SMS: variants seen among roughly 807,000 people sequenced by gnomAD.
SMS encodes spermine synthase.
SMS carries 3 observed loss-of-function variants against 33.0 expected under a neutral mutation model. The ratio of observed to expected loss-of-function variants is 0.09; its 90% CI spans 0.04 to 0.23. SMS has a LOEUF of 0.23. SMS is among the 10% of genes least tolerant of loss of function. The pLI, the probability that SMS is intolerant of heterozygous loss-of-function variation, is 1.00. For missense variants in SMS, 117 were observed against 288.6 expected (o/e 0.41, Z 4.31); for synonymous variants, 103 against 112.2 (o/e 0.92, Z 0.52).
At chrX:21,949,476 T>C (rs909106226) in intron 1 of SMS, among the ~76,000 whole-genome samples, 1 of 112,181 alleles carries the variant, frequency 8.9e-6, no homozygotes, top group Non-Finnish European at 1.9e-5. Context: ...CAGAAAATAA[T>C]GGGTTGCCCT....
At chrX:21,964,527 G>A (rs763570746) in intron 1 of SMS, among the ~76,000 whole-genome samples, 1 of 111,328 alleles carries the variant, frequency 9.0e-6, no homozygotes, top group South Asian at 3.8e-4. Flanking sequence ...TTTGGAAGGG[G>A]TTGCTCTAGT....
intron 9 of SMS, among the ~76,000 whole-genome samples, chrX:21,987,693 A>C (rs189842492): frequency 8.9e-6 from 1 of 112,755 alleles, no homozygotes; most frequent in East Asian, 2.8e-4. Context: ...AATCAAGGAA[A>C]AATGTGAGGC....
In SMS at chrX:21,940,792, TC is replaced by T. The variant is rs1244332285; in HGVS notation, c.-28del. The T allele has an allele frequency of 9.2e-7, 1 of 1,088,890 alleles. No homozygotes were observed. Among genetic ancestry groups the T allele is most frequent in the Non-Finnish European group, 1.2e-6 (1 of 829,111 alleles). 89.7% of individuals were successfully genotyped at this position (1,088,890 alleles called of 1,213,427 possible). On this transcript the variant is annotated 5_prime_UTR_variant, in exon 1 of 11. Coordinates refer to ENST00000404933, the MANE Select transcript of SMS (RefSeq NM_004595.5). The stretch of plus-strand genomic sequence containing the variant: ...CGGCCCCCCAGTCTCCCGCGGCTGC[TC>T]CCCCAGGCATGGCACAGGGCCTCGC...
At chrX:21,948,681 A>G (rs1034601720) in intron 1 of SMS, among the ~76,000 whole-genome samples, 10 of 111,386 alleles carry the variant, frequency 9.0e-5, no homozygotes, top group African/African-American at 2.9e-4. Context: ...GGGCTTTATA[A>G]TTGCGATCAC....
At chrX:21,967,168 A>G (rs781088482) in intron 1 of SMS, 28 bp from the exon 2 acceptor site, 4 of 1,203,771 alleles carry the variant, frequency 3.3e-6, no homozygotes, top group East Asian at 6.0e-5. Context: ...CTTTCTGACC[A>G]TCTTGCCTTC....
At chrX:21,966,200 CTT>C (rs750671836) in intron 1 of SMS, among the ~76,000 whole-genome samples, 2 of 112,256 alleles carry the variant, frequency 1.8e-5, no homozygotes, top group Non-Finnish European at 3.8e-5. Flanking sequence ...AGCTGTGACT[CTT>C]TGTTTTTTTC....
intron 1 of SMS, chrX:21,959,966 G>GC (rs1465403173): frequency 1.3e-6 from 1 of 748,562 alleles, no homozygotes; most frequent in African/African-American, 2.3e-5. Context: ...CCAAAGGTGG[G>GC]CCCTTGGACT....
chrX:21,969,469 C>A (rs915626402), intron 2 of SMS, among the ~76,000 whole-genome samples: 12 of 111,994 alleles, frequency 1.1e-4, no homozygotes, highest in Non-Finnish European at 2.3e-4. Context: ...CAGGATTACA[C>A]TGAGCCCCTC....
At chrX:21,954,531 T>G (rs1352593287) in intron 1 of SMS, among the ~76,000 whole-genome samples, 1 of 112,101 alleles carries the variant, frequency 8.9e-6, no homozygotes, top group Non-Finnish European at 1.9e-5. Context: ...TTGAGTAGTT[T>G]TGACTTGTGT....
At chrX:21,966,919 T>C (rs780325660) in intron 1 of SMS, among the ~76,000 whole-genome samples, 1 of 111,330 alleles carries the variant, frequency 9.0e-6, no homozygotes, top group African/African-American at 3.3e-5. Flanking sequence ...CGCAGCTATT[T>C]GTGGTCGGCT....
intron 1 of SMS, among the ~76,000 whole-genome samples, chrX:21,960,675 T>C (rs752828936): frequency 2.3e-3 from 254 of 112,072 alleles, no homozygotes; most frequent in Non-Finnish European, 4.0e-3. Flanking sequence ...GAGCTAAATC[T>C]TCTGTTCCAA....
chrX:21,969,480 C>A (rs1223895083), intron 2 of SMS, among the ~76,000 whole-genome samples: 3 of 111,787 alleles, frequency 2.7e-5, no homozygotes, highest in East Asian at 5.7e-4. Context: ...TGAGCCCCTC[C>A]CTGTACCTGC....
At chrX:21,951,374 C>A (rs1922595940) in intron 1 of SMS, among the ~76,000 whole-genome samples, 1 of 111,997 alleles carries the variant, frequency 8.9e-6, no homozygotes, top group Non-Finnish European at 1.9e-5. Context: ...AAATGTTCTC[C>A]CATTCTGTAG....
chrX:21,955,630 G>A (rs889522368), intron 1 of SMS, among the ~76,000 whole-genome samples: 14 of 111,426 alleles, frequency 1.3e-4, no homozygotes, highest in African/African-American at 4.6e-4. Flanking sequence ...CTGCTTTTCT[G>A]TGGGTTCTGA....
intron 1 of SMS, chrX:21,941,422 G>A: frequency 1.6e-5 from 3 of 188,403 alleles, no homozygotes; most frequent in Middle Eastern, 1.3e-3. Flanking sequence ...TGGGGCTGGG[G>A]AAAGGTCTGC....
intron 4 of SMS, 21 bp downstream of exon 4, chrX:21,972,592 C>T: frequency 9.3e-7 from 1 of 1,071,472 alleles, no homozygotes; most frequent in Non-Finnish European, 1.3e-6. Context: ...TCTTGAATGT[C>T]CTTTTATATT....
Position 21,980,429 on chromosome X carries a change from A to AATATAT in SMS, c.750+1482_750+1487dup, listed in dbSNP as rs1187267102. 1.5e-3 allele frequency among the ~76,000 whole-genome samples: 95 copies of AATATAT among 63,030 alleles called. 1 individual carries two copies. The highest frequency in any genetic ancestry group is 3.5e-3 in the African/African-American group (75 of 21,193). 54.7% of individuals were successfully genotyped at this position (63,030 alleles called of 115,157 possible). On this transcript the variant is annotated intron_variant, in intron 7 of 10. Transcript: ENST00000404933. ...GAGACTGTCTCCAAAAAAAAAAAAA[A>AATATAT]ATATATATATATATATATATATATT...
chrX:21,974,856 C>CT (rs11347193), intron 4 of SMS, among the ~76,000 whole-genome samples: 18 of 83,264 alleles, frequency 2.2e-4, no homozygotes, highest in East Asian at 1.6e-3. Context: ...GATTGCTATC[C>CT]TTTTTTTTTT....
In SMS at chrX:21,940,719, T is replaced by G; in HGVS notation, c.-106T>G. 1 of 630,359 alleles carries G rather than the reference T, an allele frequency of 1.6e-6. No individual in the cohort carries two copies. Among genetic ancestry groups the G allele is most frequent in the South Asian group, 2.5e-5 (1 of 39,413 alleles). The allele number at this position is 630,359 out of a possible 1,213,427, so 51.9% of individuals were successfully genotyped here. Reference sequence around the variant, plus strand: ...CCCCTCCCACCTCCTAGTCCTGGCCTCCCCGGGCGCAGCACACTCCCAGCC... The same window carrying G: ...CCCCTCCCACCTCCTAGTCCTGGCCGCCCCGGGCGCAGCACACTCCCAGCC... On this transcript the variant is annotated 5_prime_UTR_variant, in exon 1 of 11. Coordinates refer to ENST00000404933, the MANE Select transcript of SMS (RefSeq NM_004595.5).
Sources: gnomAD v4.1 joint callset for allele counts (sites outside exome capture counted in the v4.1 genomes callset) on GRCh38, gnomAD v4.1.1 for gene constraint, MANE v1.5 for transcripts, NCBI Gene and HGNC (gene_info 2026-07-23, HGNC 2026-07-21) for gene names.